GLI2: variants seen among roughly 807,000 people sequenced by gnomAD.
GLI2 encodes the protein transcription activator GLI2.
A neutral mutation model predicts 78.9 loss-of-function variants in GLI2; 22 were observed. The ratio of observed to expected loss-of-function variants is 0.28; its 90% confidence interval spans 0.20 to 0.40. GLI2 has a LOEUF of 0.40. GLI2 is among the 10% of genes least tolerant of loss of function. The pLI, the probability that GLI2 is intolerant of heterozygous loss-of-function variation, is 1.00. For missense variants in GLI2, 2,097 were observed against 2,213.2 expected (o/e 0.95, Z 1.05); for synonymous variants, 974 against 963.7 (o/e 1.01, Z -0.20).
chr2:120,956,579 G>A (rs913133969), intron 5 of GLI2, among the ~76,000 whole-genome samples: 1 of 152,076 alleles, frequency 6.6e-6, no homozygotes, highest in Non-Finnish European at 1.5e-5. Context: ...CCTGGCCAGC[G>A]GCACACAGGG....
intron 10 of GLI2, among the ~76,000 whole-genome samples, chr2:120,981,149 A>G (rs761023151): frequency 3.3e-5 from 5 of 152,174 alleles, no homozygotes; most frequent in Non-Finnish European, 5.9e-5. Flanking sequence ...CCAAAGTGCT[A>G]GGATTACAGG....
chr2:120,985,773 A>C (rs915869148), intron 12 of GLI2, among the ~76,000 whole-genome samples: 1 of 152,164 alleles, frequency 6.6e-6, no homozygotes, highest in African/African-American at 2.4e-5. Flanking sequence ...CCTAACCCAG[A>C]GGGAAGACTG....
At chr2:120,985,215 G>A (rs1682916173) in intron 12 of GLI2, among the ~76,000 whole-genome samples, 1 of 152,250 alleles carries the variant, frequency 6.6e-6, no homozygotes, top group African/African-American at 2.4e-5. Context: ...GGTGAGCCAA[G>A]GAGCTGGGCA....
chr2:120,895,468 C>T (rs1476873433), intron 2 of GLI2, among the ~76,000 whole-genome samples: 2 of 152,038 alleles, frequency 1.3e-5, no homozygotes, highest in African/African-American at 2.4e-5. Flanking sequence ...TTTGGGAGGC[C>T]AAGGCAGGCA....
chr2:120,861,065 T>C (rs1321817183), intron 2 of GLI2, among the ~76,000 whole-genome samples: 1 of 152,158 alleles, frequency 6.6e-6, no homozygotes, highest in Non-Finnish European at 1.5e-5. Context: ...ACCCTAATCA[T>C]GAGAGCTGTC....
In GLI2 at chr2:120,947,458, G is replaced by A. The variant is rs895779066; in HGVS notation, c.255-3785G>A. Among the ~76,000 whole-genome samples, 8 of 152,216 alleles carry A rather than the reference G, an allele frequency of 5.3e-5. No homozygotes were observed. In the East Asian group the frequency reaches 7.7e-4, roughly 15 times the overall value. ...CTGGGGAGATACCAGGTAAGAGCAC[G>A]GCTGTGATCTCACTGGCCCTGTGCA... On this transcript the variant is annotated intron_variant, in intron 3 of 13. Coordinates refer to ENST00000361492, the MANE Select transcript of GLI2 (RefSeq NM_001374353.1).
At chr2:120,894,618 G>GT (rs923852674) in intron 2 of GLI2, among the ~76,000 whole-genome samples, 8 of 151,670 alleles carry the variant, frequency 5.3e-5, no homozygotes, top group Admixed American at 2.6e-4. Context: ...TTGGGGGGGG[G>GT]TACCAGTGAT....
intron 1 of GLI2, among the ~76,000 whole-genome samples, chr2:120,793,454 G>C (rs1005253541): frequency 6.6e-6 from 1 of 152,190 alleles, no homozygotes; most frequent in African/African-American, 2.4e-5. Flanking sequence ...GAGACTATCC[G>C]CTTTGGCTGC....
At chr2:120,752,810 A>G (rs1328405391) in intron 1 of GLI2, among the ~76,000 whole-genome samples, 1 of 152,184 alleles carries the variant, frequency 6.6e-6, no homozygotes, top group Non-Finnish European at 1.5e-5. Context: ...CACAAATGGA[A>G]GCATATTTTA....
Position 120,984,696 on chromosome 2 carries a change from G to A in GLI2, c.1858G>A (p.Val620Met), listed in dbSNP as rs181235976. ...CGAGGCCAGCAGCACCAGCCAGGCC[G>A]TGGAGGACTGCCTGCACGTCAGAGC... is the stretch of plus-strand genomic sequence containing the variant. ...STEASSTSQA[V>M]EDCLHVRAIK... Residue 620 changes from valine (V) to methionine (M), a missense_variant, in exon 12 of 14, where the codon GTG becomes ATG. By Grantham distance (21) the Val-to-Met change is conservative. Coordinates refer to ENST00000361492, the MANE Select transcript of GLI2 (RefSeq NM_001374353.1). The A allele has an allele frequency of 1.7e-5, 28 of 1,613,570 alleles. No individual in the cohort carries two copies. The highest frequency in any genetic ancestry group is 1.7e-4 in the Admixed American group (10 of 60,020).
At chr2:120,748,642 G>A (rs1682766014) in intron 1 of GLI2, among the ~76,000 whole-genome samples, 1 of 152,152 alleles carries the variant, frequency 6.6e-6, no homozygotes, top group Non-Finnish European at 1.5e-5. Flanking sequence ...AGAGGCCCAG[G>A]TTCTTTCCGA....
intron 1 of GLI2, among the ~76,000 whole-genome samples, chr2:120,786,653 G>A (rs943877590): frequency 6.6e-6 from 1 of 152,216 alleles, no homozygotes; most frequent in Non-Finnish European, 1.5e-5. Flanking sequence ...CAAATCTTTT[G>A]CTCTCAAGGG....
At chr2:120,824,219 G>C (rs1385578801) in intron 2 of GLI2, among the ~76,000 whole-genome samples, 1 of 152,220 alleles carries the variant, frequency 6.6e-6, no homozygotes, top group Non-Finnish European at 1.5e-5. Flanking sequence ...AGGAGAAAAA[G>C]ACCCTGTGAA....
chr2:120,842,766 A>G (rs1294824107), intron 2 of GLI2, among the ~76,000 whole-genome samples: 3 of 152,266 alleles, frequency 2.0e-5, no homozygotes, highest in African/African-American at 7.2e-5. Flanking sequence ...TAGTTTCTGA[A>G]TGAGTGAATG....
intron 1 of GLI2, among the ~76,000 whole-genome samples, chr2:120,768,143 G>C (rs1418786431): frequency 6.6e-6 from 1 of 152,232 alleles, no homozygotes; most frequent in Admixed American, 6.5e-5. Context: ...CCCTGGAATA[G>C]CAGTATTTCT....
intron 5 of GLI2, among the ~76,000 whole-genome samples, chr2:120,955,929 G>A (rs891551786): frequency 3.9e-5 from 6 of 152,044 alleles, no homozygotes; most frequent in Non-Finnish European, 7.4e-5. Flanking sequence ...AAATAGCCAG[G>A]AGCCAGTGCT....
At chr2:120,912,727 C>T (rs1378690440) in intron 2 of GLI2, among the ~76,000 whole-genome samples, 3 of 152,170 alleles carry the variant, frequency 2.0e-5, no homozygotes, top group East Asian at 1.9e-4. Flanking sequence ...TTGCTTTCTG[C>T]GGACCCTCTT....
intron 2 of GLI2, among the ~76,000 whole-genome samples, chr2:120,815,567 C>T (rs767037783): frequency 1.3e-5 from 2 of 152,198 alleles, no homozygotes; most frequent in Non-Finnish European, 2.9e-5. Flanking sequence ...TCTGTGGTCA[C>T]GTGCCCCCTG....
rs138980148 is a variant in GLI2 at position 120,968,252 on chromosome 2, C to T, written c.644-462C>T. The stretch of plus-strand genomic sequence containing the variant: ...TGTTAGAAGCCAGGATAGCAGCTGC[C>T]CTTGGGCTGGAAGATGGAGGGGGCC... On this transcript the variant is annotated intron_variant, in intron 5 of 13. Coordinates refer to ENST00000361492, the MANE Select transcript of GLI2 (RefSeq NM_001374353.1). Among the ~76,000 whole-genome samples, 214 of 152,240 alleles carry T rather than the reference C, an allele frequency of 1.4e-3. 2 individuals are homozygous for T. The highest frequency in any genetic ancestry group is 4.8e-3 in the African/African-American group (201 of 41,536).
Sources: gnomAD v4.1 joint callset for allele counts (sites outside exome capture counted in the v4.1 genomes callset) on GRCh38, gnomAD v4.1.1 for gene constraint, MANE v1.5 for transcripts, NCBI Gene and HGNC (gene_info 2026-07-23, HGNC 2026-07-21) for gene names.